PI4K2A: variants seen among roughly 807,000 people sequenced by gnomAD.
The protein encoded by PI4K2A is phosphatidylinositol 4-kinase type 2-alpha.
PI4K2A carries 20 observed loss-of-function variants against 55.0 expected under a neutral mutation model. The observed-to-expected ratio is 0.36, with a 90% confidence interval of 0.26 to 0.53. The LOEUF is 0.53. PI4K2A is among the 20% of genes least tolerant of loss of function. The pLI, the probability that PI4K2A is intolerant of heterozygous loss-of-function variation, is 0.91. For synonymous variants in PI4K2A, 235 were observed against 258.5 expected (o/e 0.91, Z 0.87); for missense variants, 463 against 637.1 (o/e 0.73, Z 2.94).
chr10:97,654,951 A>C (rs1267671898), intron 2 of PI4K2A, among the ~76,000 whole-genome samples: 1 of 152,184 alleles, frequency 6.6e-6, no homozygotes, highest in Admixed American at 6.6e-5. Flanking sequence ...CTGGCCATTC[A>C]GTTTCCTTCC....
At chr10:97,660,105 C>A (rs1170328888) in intron 4 of PI4K2A, among the ~76,000 whole-genome samples, 1 of 149,644 alleles carries the variant, frequency 6.7e-6, no homozygotes, top group Non-Finnish European at 1.5e-5. Context: ...GGGTTCACGC[C>A]ATTCTCCTGC....
At position 97,650,945 on chromosome 10, in the gene PI4K2A, T is replaced by C; in HGVS notation, c.440T>C (p.Ile147Thr). The change falls in exon 2 of 9, where the codon ATC becomes ACC. Residue 147 changes from isoleucine (I) to threonine (T), a missense_variant. Transcript: ENST00000370631. ...CTTTTTCTTTGGTCTCTGTAGAGGA[T>C]CATTGCTGTCTTCAAACCCAAGAAT... 1.9e-6 allele frequency: 3 copies of C among 1,612,146 alleles called. No homozygotes were observed. In the South Asian group the frequency reaches 3.3e-5, roughly 18 times the overall value.
chr10:97,664,808 T>G, intron 5 of PI4K2A, 77 bp from the exon 6 acceptor site: 10 of 879,270 alleles, frequency 1.1e-5, no homozygotes, highest in African/African-American at 3.3e-5. Flanking sequence ...GGAGTTGGGA[T>G]GAGTTGCTTT....
chr10:97,655,582 A>AT (rs1183690430), intron 2 of PI4K2A, among the ~76,000 whole-genome samples: 3 of 150,826 alleles, frequency 2.0e-5, no homozygotes, highest in Non-Finnish European at 4.4e-5. Context: ...TTTTTATCAT[A>AT]TTTTTTTTGG....
intron 2 of PI4K2A, among the ~76,000 whole-genome samples, chr10:97,654,330 T>C (rs2041542444): frequency 6.6e-6 from 1 of 152,158 alleles, no homozygotes; most frequent in Non-Finnish European, 1.5e-5. Context: ...TTTCCTTCAT[T>C]CCTATGCCTG....
chr10:97,676,286 G>C (rs920727977), exon 9 of PI4K2A: 9 of 152,230 alleles, frequency 5.9e-5, no homozygotes, highest in Non-Finnish European at 1.3e-4. Flanking sequence ...CTGATAGGAA[G>C]CTATGGGTAA....
In PI4K2A at chr10:97,642,962, C is replaced by A. The variant is rs1411150497; in HGVS notation, c.435+1785C>A. On this transcript the variant is annotated intron_variant, in intron 1 of 8. Transcript: ENST00000370631. ...TCTTTCTTTCTCTTTCTTTCTTTTTCTTTCTTTCTTTCATTCATTCTCTCT... is the reference window on the plus strand; with the variant it reads ...TCTTTCTTTCTCTTTCTTTCTTTTTATTTCTTTCTTTCATTCATTCTCTCT... Among the ~76,000 whole-genome samples the A allele has an allele frequency of 2.1e-5, 3 of 144,564 alleles. No homozygotes were observed. The East Asian group carries it at 6.0e-4, about 29-fold the overall frequency. 94.8% of individuals were successfully genotyped at this position (144,564 alleles called of 152,430 possible).
chr10:97,655,459 G>A (rs2041549344), intron 2 of PI4K2A, among the ~76,000 whole-genome samples: 1 of 151,952 alleles, frequency 6.6e-6, no homozygotes, highest in African/African-American at 2.4e-5. Context: ...AAAGAAGATG[G>A]GCATTTGGCC....
At chr10:97,641,122 C>T (rs1589929717) in exon 1 of PI4K2A, 1 of 1,608,986 alleles carries the variant, frequency 6.2e-7, no homozygotes, top group East Asian at 2.2e-5. Context: ...TGCATCTTTC[C>T]CGAGCGCATC....
rs1297076901 is a variant in PI4K2A at position 97,645,190 on chromosome 10, A to G, written c.435+4013A>G. Among the ~76,000 whole-genome samples, 4 of 152,208 alleles carry G rather than the reference A, an allele frequency of 2.6e-5. No homozygotes were observed. The South Asian group carries it at 6.2e-4, about 24-fold the overall frequency. On this transcript the variant is annotated intron_variant, in intron 1 of 8. Coordinates refer to ENST00000370631, the Ensembl canonical transcript of PI4K2A. ...CTAGGTTAAGAGGATTAAATGACAT[A>G]TCACACATGAAAGCCCTGACGTAGT...
chr10:97,667,211 C>T lies in PI4K2A; in HGVS notation c.1278+91C>T, dbSNP rs978061883. 2.6e-5 allele frequency: 18 copies of T among 701,786 alleles called. No homozygotes were observed. The South Asian group carries it at 2.7e-4, about 11-fold the overall frequency. The allele number at this position is 701,786 out of a possible 1,614,324, so 43.5% of individuals were successfully genotyped here. A position where few individuals can be genotyped will look rare whatever the true frequency, so the allele number is the denominator to read the frequency against. ...AAATGTTTGAAGTTTGTGTTTTATA[C>T]CCCCCCCTTTTTTTTTGAGACCGAG... is the stretch of plus-strand genomic sequence containing the variant. On this transcript the variant is annotated intron_variant, in intron 8 of 8. Coordinates refer to ENST00000370631, the Ensembl canonical transcript of PI4K2A.
At chr10:97,667,544 T>C (rs2135761508) in intron 8 of PI4K2A, among the ~76,000 whole-genome samples, 1 of 152,286 alleles carries the variant, frequency 6.6e-6, no homozygotes, top group African/African-American at 2.4e-5. Context: ...GTTGTGTACA[T>C]TATTTTTGGC....
At chr10:97,642,378 T>TC (rs2041474215) in intron 1 of PI4K2A, among the ~76,000 whole-genome samples, 1 of 150,134 alleles carries the variant, frequency 6.7e-6, no homozygotes, top group Admixed American at 6.6e-5. Flanking sequence ...GAGTAATAAG[T>TC]CTTTCGAAGT....
intron 6 of PI4K2A, among the ~76,000 whole-genome samples, chr10:97,666,149 A>G (rs78612809): frequency 0.014 from 2,181 of 152,204 alleles, 38 homozygotes; most frequent in African/African-American, 0.048. Context: ...TTTCAGAAGG[A>G]CCATCTCAGC....
chr10:97,646,219 A>ATTT (rs34709946), intron 1 of PI4K2A, among the ~76,000 whole-genome samples: 3 of 141,638 alleles, frequency 2.1e-5, no homozygotes, highest in Non-Finnish European at 3.1e-5. Context: ...GTCCTTAATA[A>ATTT]TTTTTTTTTT....
chr10:97,667,078 C>G (rs1353686849), exon 8 of PI4K2A: 1 of 1,613,704 alleles, frequency 6.2e-7, no homozygotes, highest in Non-Finnish European at 8.5e-7. Context: ...CTGGTTTCGA[C>G]AGGGGCCAGT....
intron 8 of PI4K2A, among the ~76,000 whole-genome samples, chr10:97,672,768 G>A (rs186441290): frequency 0.013 from 1,363 of 101,650 alleles, 24 homozygotes; most frequent in African/African-American, 0.052. Flanking sequence ...GTCTTGCTCT[G>A]TTGCCCAGGC....
chr10:97,641,086 G>T (rs1564771770), exon 1 of PI4K2A: 1 of 1,608,186 alleles, frequency 6.2e-7, no homozygotes. Context: ...GCGGTGGTGC[G>T]GCAGGCCGAG....
intron 1 of PI4K2A, among the ~76,000 whole-genome samples, chr10:97,642,920 C>T (rs1407434104): frequency 3.8e-5 from 5 of 132,986 alleles, no homozygotes; most frequent in Non-Finnish European, 3.1e-5. Context: ...TTCCTTCCTT[C>T]CTTCCTTTCT....
Sources: allele counts gnomAD v4.1 joint callset (sites outside exome capture counted in the v4.1 genomes callset), GRCh38; gene constraint gnomAD v4.1.1; transcripts MANE v1.5; gene names NCBI Gene and HGNC (gene_info 2026-07-23, HGNC 2026-07-21).